Variants in FGD3 observed in about 807,000 individuals in gnomAD.
FGD3 encodes FYVE, RhoGEF and PH domain containing 3.
FGD3 carries 45 observed loss-of-function variants against 71.8 expected under a neutral mutation model. The observed-to-expected ratio is 0.63, with a 90% confidence interval of 0.49 to 0.80. FGD3 has a LOEUF of 0.80. FGD3 is among the 30% of genes least tolerant of loss of function. The pLI, the probability that FGD3 is intolerant of heterozygous loss-of-function variation, is 0.00. For missense variants in FGD3, 844 were observed against 951.5 expected (o/e 0.89, Z 1.49); for synonymous variants, 378 against 392.8 (o/e 0.96, Z 0.44).
At chr9:92,974,574 C>A (rs969466041) in intron 1 of FGD3, 2 of 152,328 alleles carry the variant, frequency 1.3e-5, no homozygotes, top group African/African-American at 2.4e-5. Context: ...CCCAGGCCTG[C>A]GCCACGCCCT....
chr9:93,033,194 C>A, intron 16 of FGD3: 1 of 416,350 alleles, frequency 2.4e-6, no homozygotes. Context: ...GGCCTTGAGG[C>A]CCACCTGAGG....
chr9:92,953,495 A>G (rs1297399902), intron 1 of FGD3, among the ~76,000 whole-genome samples: 1 of 152,366 alleles, frequency 6.6e-6, no homozygotes, highest in East Asian at 1.9e-4. Context: ...GAAATGAGGT[A>G]TAGTGAGTGA....
intron 1 of FGD3, among the ~76,000 whole-genome samples, chr9:92,962,899 C>A (rs1312949141): frequency 2.0e-5 from 3 of 147,866 alleles, no homozygotes; most frequent in African/African-American, 7.6e-5. Flanking sequence ...GACTTTGCGC[C>A]ACTGCACTCC....
intron 13 of FGD3, 78 bp downstream of exon 13, chr9:93,020,502 G>T (rs1861877602): frequency 7.8e-7 from 1 of 1,285,366 alleles, no homozygotes; most frequent in Non-Finnish European, 1.1e-6. Flanking sequence ...CTGGCGTCTG[G>T]GTGGGCAGCT....
chr9:92,995,127 G>C (rs561449312), intron 3 of FGD3, among the ~76,000 whole-genome samples: 3 of 152,294 alleles, frequency 2.0e-5, no homozygotes, highest in African/African-American at 7.2e-5. Flanking sequence ...TCTTCCATTT[G>C]TTTGTGTCCT....
chr9:93,010,477 C>A (rs1861276287), intron 7 of FGD3, 93 bp downstream of exon 7: 7 of 1,336,680 alleles, frequency 5.2e-6, no homozygotes, highest in South Asian at 1.5e-5. Flanking sequence ...GTCGTGGGGT[C>A]ATGGGGGTAG....
chr9:93,008,030 G>A (rs1398965451), intron 6 of FGD3, among the ~76,000 whole-genome samples: 1 of 152,142 alleles, frequency 6.6e-6, no homozygotes, highest in African/African-American at 2.4e-5. Context: ...TTAATCAAAG[G>A]ATATTTTAAA....
chr9:92,995,932 TTC>T (rs1860623968), intron 3 of FGD3, among the ~76,000 whole-genome samples: 1 of 151,998 alleles, frequency 6.6e-6, no homozygotes, highest in Non-Finnish European at 1.5e-5. Context: ...TGGTCTAAAA[TTC>T]TCTTTTTTTT....
chr9:93,005,919 A>G, intron 5 of FGD3, 105 bp from the exon 6 acceptor site: 1 of 1,294,442 alleles, frequency 7.7e-7, no homozygotes, highest in Non-Finnish European at 1.0e-6. Flanking sequence ...ACCATCACAC[A>G]GAGCTGGCCT....
intron 8 of FGD3, 76 bp downstream of exon 8, chr9:93,011,348 C>A: frequency 6.4e-7 from 1 of 1,552,350 alleles, no homozygotes; most frequent in Non-Finnish European, 8.9e-7. Flanking sequence ...GTGGGCCAGC[C>A]CCTTTGCCGC....
chr9:92,976,779 G>T, intron 3 of FGD3, 70 bp downstream of exon 3: 2 of 1,428,634 alleles, frequency 1.4e-6, no homozygotes, highest in Non-Finnish European at 1.9e-6. Flanking sequence ...GAGATTTTCA[G>T]TGGGCGTCAT....
At chr9:93,029,436 G>A (rs374838418) in intron 14 of FGD3, among the ~76,000 whole-genome samples, 17 of 152,282 alleles carry the variant, frequency 1.1e-4, no homozygotes, top group Admixed American at 7.8e-4. Flanking sequence ...TGTGGCCCGC[G>A]GTGCCCAGTA....
intron 8 of FGD3, 117 bp from the exon 9 acceptor site, chr9:93,013,735 G>T: frequency 7.7e-7 from 1 of 1,296,536 alleles, no homozygotes; most frequent in East Asian, 2.4e-5. Context: ...ACCCTTGTCA[G>T]TAGCTCATTG....
chr9:93,018,256 T>C (rs1361931142), intron 11 of FGD3, 41 bp downstream of exon 11: 9 of 1,545,096 alleles, frequency 5.8e-6, no homozygotes, highest in Non-Finnish European at 7.1e-6. Flanking sequence ...TTTGACCTCA[T>C]GTCTTCTTTT....
chr9:92,983,597 G>A (rs1860080138), intron 3 of FGD3, among the ~76,000 whole-genome samples: 1 of 152,164 alleles, frequency 6.6e-6, no homozygotes, highest in African/African-American at 2.4e-5. Flanking sequence ...AATTATAGAA[G>A]TTTTGCATAA....
In FGD3 at chr9:92,976,459, G is replaced by C. The variant is rs747122812; in HGVS notation, c.203G>C (p.Ser68Thr). 1 of 1,612,058 alleles carries C rather than the reference G, an allele frequency of 6.2e-7. No homozygotes were observed. The highest frequency in any genetic ancestry group is 1.7e-5 in the Admixed American group (1 of 59,796). ...DIGPTGELSG[S>T]LKIPNRDSGI... ...GGCCCCACGGGAGAGCTGAGTGGTA[G>C]CTTAAAGATCCCCAACCGGGACAGC... The change falls in exon 3 of 18, where the codon AGC (serine) becomes ACC (threonine). Residue 68 changes from serine (S) to threonine (T), a missense_variant. Coordinates refer to ENST00000375482, the MANE Select transcript of FGD3 (RefSeq NM_001083536.2).
intron 3 of FGD3, among the ~76,000 whole-genome samples, chr9:92,981,388 A>G (rs976103391): frequency 6.6e-6 from 1 of 151,954 alleles, no homozygotes; most frequent in Admixed American, 6.6e-5. Context: ...AAAAAAAGAA[A>G]AAAAAGAAAG....
At chr9:93,031,031 T>C (rs752435638) in intron 15 of FGD3, among the ~76,000 whole-genome samples, 6 of 151,186 alleles carry the variant, frequency 4.0e-5, no homozygotes, top group Non-Finnish European at 8.8e-5. Context: ...AATGGTTGGA[T>C]GGATGGATGA....
intron 1 of FGD3, among the ~76,000 whole-genome samples, chr9:92,968,254 A>AG (rs1229430431): frequency 1.4e-4 from 21 of 152,306 alleles, no homozygotes; most frequent in Non-Finnish European, 2.9e-4. Flanking sequence ...TACAGTCTTA[A>AG]ACAGTAGAAG....
Sources: gnomAD v4.1 joint callset for allele counts (sites outside exome capture counted in the v4.1 genomes callset) on GRCh38, gnomAD v4.1.1 for gene constraint, MANE v1.5 for transcripts, NCBI Gene and HGNC (gene_info 2026-07-23, HGNC 2026-07-21) for gene names.